STK31: variants seen among roughly 807,000 people sequenced by gnomAD.
STK31 encodes serine/threonine kinase 31.
Under a neutral mutation model 129.7 loss-of-function variants are expected in STK31, and 89 were observed. The ratio of observed to expected loss-of-function variants is 0.69; its 90% confidence interval spans 0.58 to 0.82. The LOEUF (loss-of-function observed/expected upper bound fraction) is 0.82. Ranked by LOEUF, STK31 falls within the 40% of genes least tolerant of loss-of-function variation. The pLI is 0.00. For synonymous variants in STK31, 448 were observed against 395.3 expected, an observed-to-expected ratio of 1.13 and a Z score of -1.58; for missense variants, 1,187 against 1,176.4, an observed-to-expected ratio of 1.01 and a Z score of -0.13.
At chr7:23,728,072 CTTTTTTTTTTTTTTTTT>C (rs56355518) in intron 5 of STK31, among the ~76,000 whole-genome samples, 4 of 68,266 alleles carry the variant, frequency 5.9e-5, no homozygotes, top group East Asian at 7.4e-4. Flanking sequence ...TTGTGTTAAG[CTTTTTTTTTTTTTTTTT>C]TTTTTTTTTT....
chr7:23,742,725 C>G (rs1337640367), intron 8 of STK31, among the ~76,000 whole-genome samples: 1 of 152,154 alleles, frequency 6.6e-6, no homozygotes, highest in Non-Finnish European at 1.5e-5. Context: ...CTTTCTCTCT[C>G]TTCTCTGGTG....
intron 15 of STK31, among the ~76,000 whole-genome samples, chr7:23,776,752 A>G (rs893644512): frequency 6.6e-6 from 1 of 151,642 alleles, no homozygotes; most frequent in African/African-American, 2.4e-5. Context: ...TATTTTGTTG[A>G]TCTTTTCAAA....
intron 4 of STK31, among the ~76,000 whole-genome samples, chr7:23,723,636 G>A (rs888774401): frequency 1.3e-5 from 2 of 152,144 alleles, no homozygotes; most frequent in Admixed American, 6.5e-5. Context: ...GATCTAAATG[G>A]TTCTCTCCCT....
At chr7:23,710,390 C>T (rs970869150) in intron 1 of STK31, 55 bp downstream of exon 1, 6 of 1,612,314 alleles carry the variant, frequency 3.7e-6, no homozygotes, top group East Asian at 4.5e-5. Flanking sequence ...GGACTATTTT[C>T]GTCGCTGCTT....
chr7:23,765,466 A>G (rs988425486), intron 11 of STK31, among the ~76,000 whole-genome samples: 1 of 152,150 alleles, frequency 6.6e-6, no homozygotes. Flanking sequence ...TTGGTAACTT[A>G]ATTTACATAT....
intron 8 of STK31, among the ~76,000 whole-genome samples, chr7:23,740,328 G>A (rs987751890): frequency 6.6e-6 from 1 of 152,008 alleles, no homozygotes; most frequent in African/African-American, 2.4e-5. Context: ...CCCCTTTGAA[G>A]TCTTTTTAAA....
At chr7:23,805,992 G>A (rs1354385804) in intron 22 of STK31, among the ~76,000 whole-genome samples, 1 of 152,186 alleles carries the variant, frequency 6.6e-6, no homozygotes, top group Non-Finnish European at 1.5e-5. Context: ...AAGTACCTGA[G>A]TGATGCCCCA....
At chr7:23,735,196 G>A (rs546121389) in intron 6 of STK31, among the ~76,000 whole-genome samples, 8 of 151,926 alleles carry the variant, frequency 5.3e-5, no homozygotes, top group South Asian at 2.1e-4. Context: ...ATTTTTATGC[G>A]CTATTGCTTT....
chr7:23,791,155 G>T (rs1718514127), intron 22 of STK31, among the ~76,000 whole-genome samples: 1 of 152,090 alleles, frequency 6.6e-6, no homozygotes. Flanking sequence ...TCATGCTATT[G>T]TCTTGGTTCT....
intron 1 of STK31, among the ~76,000 whole-genome samples, chr7:23,711,367 G>C (rs562795290): frequency 1.3e-5 from 2 of 151,950 alleles, no homozygotes; most frequent in Admixed American, 6.5e-5. Flanking sequence ...AACCCGGGGG[G>C]TGGAGGTTGC....
intron 22 of STK31, among the ~76,000 whole-genome samples, chr7:23,801,649 T>C (rs1396313762): frequency 2.0e-5 from 3 of 152,190 alleles, no homozygotes; most frequent in Non-Finnish European, 4.4e-5. Flanking sequence ...TCTTATATTT[T>C]CTTCTAAAAG....
intron 6 of STK31, among the ~76,000 whole-genome samples, chr7:23,732,969 G>T (rs899991667): frequency 3.3e-5 from 5 of 152,068 alleles, no homozygotes; most frequent in Admixed American, 2.0e-4. Flanking sequence ...ATATTTTGAG[G>T]TTGTTAGCTT....
chr7:23,719,317 A>G (rs1022979928), intron 4 of STK31, among the ~76,000 whole-genome samples: 2 of 152,146 alleles, frequency 1.3e-5, no homozygotes, highest in Non-Finnish European at 2.9e-5. Context: ...ATGAAAGACA[A>G]TATGAAAAAG....
chr7:23,764,779 G>A (rs932520277), intron 11 of STK31, among the ~76,000 whole-genome samples: 1 of 151,640 alleles, frequency 6.6e-6, no homozygotes, highest in African/African-American at 2.4e-5. Flanking sequence ...CACATTGTTG[G>A]GTGTTAAGGT....
At chr7:23,790,766 C>T (rs1791565834) in intron 21 of STK31, 58 bp from the exon 22 acceptor site, 6 of 1,427,368 alleles carry the variant, frequency 4.2e-6, no homozygotes, top group Non-Finnish European at 5.5e-6. Context: ...CAGAGTACTT[C>T]ACAGAAAGTC....
In STK31 at chr7:23,832,265, A is replaced by T; in HGVS notation, c.2959A>T (p.Thr987Ser). The T allele has an allele frequency of 6.2e-7, 1 of 1,613,964 alleles. No individual in the cohort carries two copies. ...EQSVPNPEKDTEYTLYKKEEE... is the reference protein window; with the variant it reads ...EQSVPNPEKDSEYTLYKKEEE... ...ATCAGTTCCAAACCCAGAAAAAGAT[A>T]CTGAATACACCCTATATAAAAAGGA... Residue 987 changes from threonine to serine, a missense_variant, in exon 24 of 24, where the codon ACT becomes TCT. Physicochemically the swap from Thr to Ser is moderately conservative, Grantham distance 58. Around this residue, in one of 5 missense-constraint regions of STK31, gnomAD observed 975 missense variants for 934.9 expected, o/e 1.04. Transcript: ENST00000355870.
Position 23,790,821 on chromosome 7 carries a change from C to A in STK31, c.2638-3C>A. The A allele has an allele frequency of 4.4e-6, 7 of 1,579,198 alleles. No individual in the cohort carries two copies. Among genetic ancestry groups the A allele is most frequent in the Non-Finnish European group, 6.0e-6 (7 of 1,166,558 alleles). Reference sequence around the variant, plus strand: ...TGAAATATGTAAAATATTGTTTTTGCAGAGTCAGCGAGCCTCGGTGAACAT... The same window carrying A: ...TGAAATATGTAAAATATTGTTTTTGAAGAGTCAGCGAGCCTCGGTGAACAT... On this transcript the variant is annotated splice_region_variant and splice_polypyrimidine_tract_variant and intron_variant, in intron 21 of 23. Transcript: ENST00000355870.
intron 4 of STK31, among the ~76,000 whole-genome samples, chr7:23,720,500 C>A (rs1165183406): frequency 1.3e-5 from 2 of 151,952 alleles, no homozygotes; most frequent in Admixed American, 6.6e-5. Flanking sequence ...AAACCAAATG[C>A]TTTATATAGT....
chr7:23,790,838 G>C lies in STK31; in HGVS notation c.2652G>C (p.Ser884=), dbSNP rs138551298. The change falls in exon 22 of 24, where the codon TCG becomes TCC. Residue 884 remains serine (S), a synonymous_variant. Transcript: ENST00000355870. The part of the protein sequence containing the change: ...DFTKSVSQRA[S]VNMMVGDLSL... ...TGTTTTTGCAGAGTCAGCGAGCCTCGGTGAACATGATGGTTGGTGACTTGA... is the reference window on the plus strand; with the variant it reads ...TGTTTTTGCAGAGTCAGCGAGCCTCCGTGAACATGATGGTTGGTGACTTGA... 6.3e-7 allele frequency: 1 copy of C among 1,597,480 alleles called. No homozygotes were observed. Among genetic ancestry groups the C allele is most frequent in the Admixed American group, 1.8e-5 (1 of 55,400 alleles).
Sources: gnomAD v4.1 joint callset for allele counts (sites outside exome capture counted in the v4.1 genomes callset) on GRCh38, gnomAD v4.1.1 for gene constraint, gnomAD v4.1.1 regional missense constraint, MANE v1.5 for transcripts, NCBI Gene and HGNC (gene_info 2026-07-23, HGNC 2026-07-21) for gene names.